TBC1D2: variants seen among roughly 807,000 people sequenced by gnomAD.
The protein encoded by TBC1D2 is TBC1 domain family member 2A.
Under a neutral mutation model 91.1 loss-of-function variants are expected in TBC1D2, and 58 were observed. That is an observed-to-expected ratio of 0.64 (90% CI 0.52 to 0.79). TBC1D2 has a LOEUF of 0.79. TBC1D2 is among the 30% of genes least tolerant of loss of function. TBC1D2 has a pLI of 0.00. For missense variants in TBC1D2, 1,080 were observed against 1,208.3 expected (o/e 0.89, Z 1.57); for synonymous variants, 482 against 511.5 (o/e 0.94, Z 0.78).
chr9:98,220,758 G>A, intron 6 of TBC1D2, 75 bp downstream of exon 6: 3 of 1,564,978 alleles, frequency 1.9e-6, no homozygotes, highest in South Asian at 1.2e-5. Context: ...ACCCTTAGGG[G>A]TGGAGAGCGC....
intron 2 of TBC1D2, among the ~76,000 whole-genome samples, chr9:98,249,499 G>GT (rs911181394): frequency 1.7e-4 from 26 of 152,178 alleles, no homozygotes; most frequent in African/African-American, 6.3e-4. Flanking sequence ...TATTGCAGAG[G>GT]TTTCTGCTGG....
At chr9:98,199,859 T>C in intron 12 of TBC1D2, among the ~76,000 whole-genome samples, 1 of 152,042 alleles carries the variant, frequency 6.6e-6, no homozygotes, top group East Asian at 1.9e-4. Context: ...TGAGCTGAGT[T>C]TTAAGGAATG....
Position 98,201,589 on chromosome 9 carries a change from C to T in TBC1D2, c.2347G>A (p.Val783Met), listed in dbSNP as rs371626516. ...TTGAAGGTGACGAGGGAGAGATCCA[C>T]GTGGTGCTGCCCCAGATGGGCCATC... ...RLMAHLGQHH[V>M]DLSLVTFNWF... Residue 783 changes from valine (V) to methionine (M), a missense_variant, in exon 11 of 13, where the codon GTG (valine) becomes ATG (methionine). Coordinates refer to ENST00000465784, the MANE Select transcript of TBC1D2 (RefSeq NM_001267571.2). 4.5e-5 allele frequency: 72 copies of T among 1,614,032 alleles called. No individual in the cohort carries two copies. The highest frequency in any genetic ancestry group is 2.0e-4 in the East Asian group (9 of 44,874).
intron 2 of TBC1D2, among the ~76,000 whole-genome samples, chr9:98,249,467 A>G (rs1440954104): frequency 6.6e-6 from 1 of 152,192 alleles, no homozygotes; most frequent in Non-Finnish European, 1.5e-5. Context: ...TTCAAATTTC[A>G]GTTAAGACAC....
intron 6 of TBC1D2, 88 bp from the exon 7 acceptor site, chr9:98,213,306 C>T: frequency 6.4e-7 from 1 of 1,551,208 alleles, no homozygotes; most frequent in Non-Finnish European, 8.7e-7. Context: ...GCCCCCAAAG[C>T]TTCTTTTCCT....
intron 6 of TBC1D2, among the ~76,000 whole-genome samples, chr9:98,216,066 C>A (rs552675939): frequency 6.6e-5 from 10 of 152,322 alleles, no homozygotes; most frequent in Admixed American, 5.9e-4. Context: ...GCTGCGGGCA[C>A]GCTGTCTGGG....
At chr9:98,253,121 T>C (rs1238281825) in intron 1 of TBC1D2, among the ~76,000 whole-genome samples, 2 of 152,180 alleles carry the variant, frequency 1.3e-5, no homozygotes, top group East Asian at 3.8e-4. Context: ...AGCATTGACA[T>C]ATGTGTCAGA....
At chr9:98,242,707 T>C (rs1277208025) in intron 3 of TBC1D2, among the ~76,000 whole-genome samples, 2 of 151,308 alleles carry the variant, frequency 1.3e-5, no homozygotes, top group Non-Finnish European at 2.9e-5. Context: ...AGAAAAGCAT[T>C]GAGAAACAAC....
chr9:98,244,736 G>C (rs1829730036), intron 2 of TBC1D2, among the ~76,000 whole-genome samples: 1 of 150,652 alleles, frequency 6.6e-6, no homozygotes. Flanking sequence ...AGATGGAAGT[G>C]CAGACAAAAC....
At position 98,235,980 on chromosome 9, in the gene TBC1D2, A is replaced by G. The variant is rs189279031; in HGVS notation, c.648-2431T>C. 7.9e-5 allele frequency among the ~76,000 whole-genome samples: 12 copies of G among 151,552 alleles called. 1 individual carries two copies. The East Asian group carries it at 2.4e-3, about 30-fold the overall frequency. On this transcript the variant is annotated intron_variant, in intron 3 of 12. Coordinates refer to ENST00000465784, the MANE Select transcript of TBC1D2 (RefSeq NM_001267571.2). ...AACCTGGGAGGTGGAGCTTGCAGTG[A>G]GCCGAGAAAGCGCCACCTGTACTCC... is the stretch of plus-strand genomic sequence containing the variant.
chr9:98,212,216 T>C (rs556084666), intron 7 of TBC1D2, among the ~76,000 whole-genome samples: 18 of 152,328 alleles, frequency 1.2e-4, no homozygotes, highest in Non-Finnish European at 2.5e-4. Flanking sequence ...AGAAGTCTGA[T>C]TGAGGACTTC....
intron 3 of TBC1D2, chr9:98,234,856 A>G: frequency 4.8e-6 from 1 of 209,036 alleles, no homozygotes; most frequent in East Asian, 1.3e-4. Flanking sequence ...TGAAAACATG[A>G]TACCCACAGT....
In TBC1D2 at chr9:98,255,180, G is replaced by A; in HGVS notation, c.362C>T (p.Thr121Ile). The change falls in exon 1 of 13, where the codon ACC (threonine) becomes ATC (isoleucine). Residue 121 changes from threonine to isoleucine, a missense_variant. Coordinates refer to ENST00000465784, the MANE Select transcript of TBC1D2 (RefSeq NM_001267571.2). ...FEIKTPSRVITLKAATKQAML... is the reference protein window; with the variant it reads ...FEIKTPSRVIILKAATKQAML... Reference sequence around the variant, plus strand: ...GTCGTTGCAGGAATTTACCTTCAGGGTAATAACCCGGCTGGGAGTCTTGAT... The same window carrying A: ...GTCGTTGCAGGAATTTACCTTCAGGATAATAACCCGGCTGGGAGTCTTGAT... 1 of 1,607,130 alleles carries A rather than the reference G, an allele frequency of 6.2e-7. No homozygotes were observed.
intron 8 of TBC1D2, among the ~76,000 whole-genome samples, chr9:98,210,063 C>A (rs1828790226): frequency 6.6e-6 from 1 of 151,438 alleles, no homozygotes; most frequent in Non-Finnish European, 1.5e-5. Context: ...TGGCCTCAAG[C>A]AATCTGCCCA....
intron 6 of TBC1D2, among the ~76,000 whole-genome samples, chr9:98,218,024 A>T (rs2417894): frequency 0.4 from 60,012 of 151,586 alleles, 12,120 homozygotes; most frequent in African/African-American, 0.43. Context: ...CTAATTTTTT[A>T]ATTTTTTGTA....
At chr9:98,231,279 CTTTTTTTT>C (rs35195996) in intron 4 of TBC1D2, among the ~76,000 whole-genome samples, 6 of 76,740 alleles carry the variant, frequency 7.8e-5, no homozygotes, top group African/African-American at 2.8e-4. Flanking sequence ...CTCAACTCTG[CTTTTTTTT>C]TTTTTTTTTT....
At chr9:98,224,433 C>T (rs1564246838) in intron 5 of TBC1D2, among the ~76,000 whole-genome samples, 3 of 151,816 alleles carry the variant, frequency 2.0e-5, no homozygotes, top group Admixed American at 2.0e-4. Flanking sequence ...CAGGCATGCA[C>T]CACATTGCCC....
chr9:98,231,642 T>A (rs1564251276), intron 4 of TBC1D2, among the ~76,000 whole-genome samples: 1 of 152,350 alleles, frequency 6.6e-6, no homozygotes, highest in Admixed American at 6.5e-5. Context: ...TATGATATTT[T>A]CAACTTATGG....
intron 5 of TBC1D2, among the ~76,000 whole-genome samples, chr9:98,225,482 A>G (rs1490056342): frequency 6.6e-6 from 1 of 152,168 alleles, no homozygotes; most frequent in African/African-American, 2.4e-5. Flanking sequence ...CCATGAGACT[A>G]TGGAAGAGAG....
Sources: gnomAD v4.1 joint callset for allele counts (sites outside exome capture counted in the v4.1 genomes callset) on GRCh38, gnomAD v4.1.1 for gene constraint, MANE v1.5 for transcripts, NCBI Gene and HGNC (gene_info 2026-07-23, HGNC 2026-07-21) for gene names.